JCAD: variants seen among roughly 807,000 people sequenced by gnomAD.
The protein encoded by JCAD is junctional cadherin 5-associated protein.
A neutral mutation model predicts 98.0 loss-of-function variants in JCAD; 40 were observed. The observed-to-expected ratio is 0.41, with a 90% CI of 0.32 to 0.53. The LOEUF (loss-of-function observed/expected upper bound fraction) is 0.53, where lower values mean the gene tolerates loss of function less well. Ranked by LOEUF, JCAD falls within the 20% of genes least tolerant of loss-of-function variation. The pLI is 0.31. For missense variants in JCAD, 1,705 were observed against 1,738.1 expected, an observed-to-expected ratio of 0.98 and a Z score of 0.34; for synonymous variants, 691 against 682.3, an observed-to-expected ratio of 1.01 and a Z score of -0.20.
intron 1 of JCAD, among the ~76,000 whole-genome samples, chr10:30,048,849 T>C (rs1323191517): frequency 6.6e-6 from 1 of 152,152 alleles, no homozygotes; most frequent in Non-Finnish European, 1.5e-5. Context: ...ATTACAGCCA[T>C]GAGCCACCAC....
intron 2 of JCAD, among the ~76,000 whole-genome samples, chr10:30,030,223 C>T (rs1836962170): frequency 6.6e-6 from 1 of 152,202 alleles, no homozygotes. Context: ...CTGGGAGAAT[C>T]TCTTGAGGCC....
intron 2 of JCAD, among the ~76,000 whole-genome samples, chr10:30,030,203 G>GGAGGCCAAGCTGGGAGAATCTCTT (rs1430031983): frequency 2.0e-5 from 3 of 152,200 alleles, no homozygotes; most frequent in African/African-American, 7.2e-5. Context: ...CAACACGTTG[G>GGAGGCCAAGCTGGGAGAATCTCTT]GAGGCCAAGC....
chr10:30,103,609 T>A lies in JCAD; in HGVS notation n.128+11758A>T, dbSNP rs535869500. The stretch of plus-strand genomic sequence containing the variant: ...GAGGAAATGCCTGTATATTTATGTA[T>A]AAATACACACACACACACACACCCA... On this transcript the variant is annotated intron_variant and non_coding_transcript_variant, in intron 1 of 2. Transcript: ENST00000465712. 5.9e-3 allele frequency among the ~76,000 whole-genome samples: 742 copies of A among 125,982 alleles called. 9 individuals are homozygous for A. The highest frequency in any genetic ancestry group is 0.024 in the African/African-American group (715 of 30,178). 82.6% of individuals were successfully genotyped at this position (125,982 alleles called of 152,430 possible).
At chr10:30,097,931 C>T (rs984966709) in intron 1 of JCAD, among the ~76,000 whole-genome samples, 5 of 152,006 alleles carry the variant, frequency 3.3e-5, no homozygotes, top group Non-Finnish European at 5.9e-5. Flanking sequence ...ATCAAGGAAA[C>T]GTCAAGAGTT....
In JCAD at chr10:30,017,136, A is replaced by G. The variant is rs1836550955; in HGVS notation, c.*747T>C. ...TTAAACCAGCAATTATTTTTCATAT[A>G]AAGAATTTCTAAATACCCATACAGA... On this transcript the variant is annotated 3_prime_UTR_variant, in exon 4 of 4. Transcript: ENST00000375377. The G allele has an allele frequency of 6.6e-6, 1 of 152,226 alleles. No homozygotes were observed. The highest frequency in any genetic ancestry group is 6.5e-5 in the Admixed American group (1 of 15,284). The allele number at this position is 152,226 out of a possible 1,614,324, so 9.4% of individuals were successfully genotyped here.
upstream of JCAD, among the ~76,000 whole-genome samples, chr10:30,061,731 C>CGT (rs548752528): frequency 4.9e-5 from 7 of 142,062 alleles, no homozygotes; most frequent in East Asian, 1.2e-3. Flanking sequence ...GAAATGCAGA[C>CGT]TTTTTTTTTT....
chr10:30,051,546 A>G (rs1167729859), intron 1 of JCAD, among the ~76,000 whole-genome samples: 1 of 152,030 alleles, frequency 6.6e-6, no homozygotes, highest in African/African-American at 2.4e-5. Context: ...GAGATGAGTA[A>G]CTTTAAAAAA....
chr10:30,049,223 A>ACACAAAAGC (rs1217356115), intron 1 of JCAD, among the ~76,000 whole-genome samples: 12 of 152,192 alleles, frequency 7.9e-5, no homozygotes, highest in African/African-American at 2.9e-4. Flanking sequence ...GGTGAGAGAC[A>ACACAAAAGC]CACAAAAGCC....
chr10:30,037,271 G>A (rs957000591), intron 2 of JCAD, among the ~76,000 whole-genome samples: 14 of 152,120 alleles, frequency 9.2e-5, no homozygotes, highest in African/African-American at 2.7e-4. Context: ...ATACCACCCC[G>A]TGCAAATATC....
intron 1 of JCAD, among the ~76,000 whole-genome samples, chr10:30,079,780 C>A (rs971035700): frequency 1.2e-4 from 19 of 152,232 alleles, no homozygotes; most frequent in African/African-American, 4.6e-4. Context: ...TCTGCACTTA[C>A]AAAAACCAGA....
intron 2 of JCAD, chr10:30,044,909 C>A: frequency 2.4e-6 from 1 of 415,442 alleles, no homozygotes; most frequent in Non-Finnish European, 3.2e-6. Context: ...GGGATGTCTG[C>A]AAACATGTAT....
intron 3 of JCAD, among the ~76,000 whole-genome samples, chr10:30,023,158 C>T (rs1836702945): frequency 6.6e-6 from 1 of 152,078 alleles, no homozygotes. Flanking sequence ...CTGCCTCAGC[C>T]TCCCAAGTAA....
intron 3 of JCAD, among the ~76,000 whole-genome samples, chr10:30,022,766 A>T (rs1836690972): frequency 1.3e-5 from 2 of 152,226 alleles, no homozygotes; most frequent in African/African-American, 4.8e-5. Flanking sequence ...CCCATAAGAT[A>T]ATAATGAAGC....
intron 1 of JCAD, among the ~76,000 whole-genome samples, chr10:30,109,005 C>T (rs894202960): frequency 6.6e-6 from 1 of 152,146 alleles, no homozygotes; most frequent in African/African-American, 2.4e-5. Context: ...CTGGTTGAAA[C>T]AACGGGAGCC....
chr10:30,053,128 T>C (rs1290880181), intron 1 of JCAD, among the ~76,000 whole-genome samples: 1 of 151,954 alleles, frequency 6.6e-6, no homozygotes. Context: ...ACTTATGAGA[T>C]GATTAAAGCT....
intron 1 of JCAD, among the ~76,000 whole-genome samples, chr10:30,098,379 G>A (rs1473212641): frequency 1.3e-5 from 2 of 152,050 alleles, no homozygotes; most frequent in African/African-American, 4.8e-5. Context: ...GTGTTCCTTG[G>A]AAGGCCCCCT....
rs1837652672 is a variant in JCAD at position 30,059,293 on chromosome 10, G to A, written c.-60+189C>T. Reference sequence around the variant, plus strand: ...GAGGCTGCCGGGCTAGGCACCGCGCGGGGGGCCCAGGCGGGGCTGCGACTG... The same window carrying A: ...GAGGCTGCCGGGCTAGGCACCGCGCAGGGGGCCCAGGCGGGGCTGCGACTG... On this transcript the variant is annotated intron_variant, in intron 1 of 3. Transcript: ENST00000375377. This position sits in a 1 kb window ranked among gnomAD's most constrained non-coding sequence, Gnocchi z 5.0. Among the ~76,000 whole-genome samples, 1 of 151,194 alleles carries A rather than the reference G, an allele frequency of 6.6e-6. No homozygotes were observed. Among genetic ancestry groups the A allele is most frequent in the Admixed American group, 6.6e-5 (1 of 15,208 alleles).
rs918115344 is a variant in JCAD at position 30,031,520 on chromosome 10, C to A, written c.282-1654G>T. Among the ~76,000 whole-genome samples the A allele has an allele frequency of 6.9e-4, 103 of 149,088 alleles. 2 individuals carry two copies. The highest frequency in any genetic ancestry group is 3.5e-3 in the Middle Eastern group (1 of 288). On this transcript the variant is annotated intron_variant, in intron 2 of 3. Coordinates refer to ENST00000375377, the MANE Select transcript of JCAD (RefSeq NM_020848.4). ...GCAGTGGCACAATCTCGGCTCATTGCCACCTCCGCCTCCTGGGTGCAAGCA... is the reference window on the plus strand; with the variant it reads ...GCAGTGGCACAATCTCGGCTCATTGACACCTCCGCCTCCTGGGTGCAAGCA...
At chr10:30,053,422 G>A (rs1019732400) in intron 1 of JCAD, among the ~76,000 whole-genome samples, 9 of 151,878 alleles carry the variant, frequency 5.9e-5, no homozygotes, top group African/African-American at 1.7e-4. Context: ...TTAGCCAGGC[G>A]TGGTGGCGCT....
Sources: gnomAD v4.1 joint callset for allele counts (sites outside exome capture counted in the v4.1 genomes callset) on GRCh38, gnomAD v4.1.1 for gene constraint, Gnocchi (gnomAD v3.1) non-coding constraint, MANE v1.5 for transcripts, NCBI Gene and HGNC (gene_info 2026-07-23, HGNC 2026-07-21) for gene names.